LURAP1L: variants seen among roughly 807,000 people sequenced by gnomAD.
LURAP1L encodes the protein leucine rich adaptor protein 1 like.
LURAP1L carries 12 observed loss-of-function variants against 13.8 expected under a neutral mutation model. The observed-to-expected ratio is 0.87, with a 90% CI of 0.56 to 1.41. The LOEUF (loss-of-function observed/expected upper bound fraction) is 1.41. Ranked by LOEUF, LURAP1L falls within the 40% of genes most tolerant of loss-of-function variation. The pLI is 0.00. For synonymous variants in LURAP1L, 139 were observed against 119.2 expected (o/e 1.17, Z -1.08); for missense variants, 375 against 292.9 (o/e 1.28, Z -2.04).
intron 1 of LURAP1L, among the ~76,000 whole-genome samples, chr9:12,809,583 T>C (rs138541631): frequency 1.2e-3 from 181 of 152,348 alleles, no homozygotes; most frequent in Non-Finnish European, 6.6e-4. Flanking sequence ...TTTAAATTCC[T>C]TGTCTGATAG....
At chr9:12,780,030 C>T (rs888075932) in intron 1 of LURAP1L, among the ~76,000 whole-genome samples, 7 of 152,178 alleles carry the variant, frequency 4.6e-5, no homozygotes, top group Admixed American at 3.3e-4. Flanking sequence ...TCTCCTGACA[C>T]GACCAGTTCA....
At chr9:12,798,740 A>T (rs1279874994) in intron 1 of LURAP1L, among the ~76,000 whole-genome samples, 1 of 152,222 alleles carries the variant, frequency 6.6e-6, no homozygotes, top group Admixed American at 6.5e-5. Context: ...AATACAGGAC[A>T]ATAGGAATAG....
rs539952224 is a variant in LURAP1L at position 12,816,456 on chromosome 9, G to C, written c.313-4930G>C. 3.3e-5 allele frequency among the ~76,000 whole-genome samples: 5 copies of C among 152,274 alleles called. No individual in the cohort carries two copies. The East Asian group carries it at 9.6e-4, about 29-fold the overall frequency. ...AAATAGGAAGATAGTGGCAGTGGCA[G>C]ATTGGAGTCAGTACCATGTTCCTCA... On this transcript the variant is annotated intron_variant, in intron 1 of 1. Coordinates refer to ENST00000319264, the MANE Select transcript of LURAP1L (RefSeq NM_203403.2).
intron 1 of LURAP1L, among the ~76,000 whole-genome samples, chr9:12,819,163 A>G (rs542293886): frequency 1.3e-5 from 2 of 152,178 alleles, no homozygotes. Context: ...CCTTCTGTTC[A>G]TGAACGTCTC....
chr9:12,776,079 A>G (rs1425628976), intron 1 of LURAP1L, 52 bp downstream of exon 1: 1 of 1,551,360 alleles, frequency 6.4e-7, no homozygotes, highest in East Asian at 2.2e-5. Context: ...GGGCCAAAAG[A>G]TGGGGCGATC....
At position 12,775,585 on chromosome 9, in the gene LURAP1L, G is replaced by C; in HGVS notation, c.-131G>C. On this transcript the variant is annotated 5_prime_UTR_variant, in exon 1 of 2. Coordinates refer to ENST00000319264, the MANE Select transcript of LURAP1L (RefSeq NM_203403.2). ...CGCATAGGCGGTTATGGAAAGGACGGTACACCGGAGCGGCGGAGGATAGAG... is the reference window on the plus strand; with the variant it reads ...CGCATAGGCGGTTATGGAAAGGACGCTACACCGGAGCGGCGGAGGATAGAG... 1 of 1,407,992 alleles carries C rather than the reference G, an allele frequency of 7.1e-7. No individual in the cohort carries two copies. The allele number at this position is 1,407,992 out of a possible 1,614,324, so 87.2% of individuals were successfully genotyped here. A position where few individuals can be genotyped will look rare whatever the true frequency, so the allele number is the denominator to read the frequency against.
At chr9:12,796,473 A>G (rs368769405) in intron 1 of LURAP1L, among the ~76,000 whole-genome samples, 57 of 151,876 alleles carry the variant, frequency 3.8e-4, no homozygotes, top group African/African-American at 1.2e-3. Context: ...ATTTTTCTAA[A>G]CTTCATTTGT....
At chr9:12,778,883 G>C (rs1819228164) in intron 1 of LURAP1L, among the ~76,000 whole-genome samples, 1 of 152,212 alleles carries the variant, frequency 6.6e-6, no homozygotes, top group Admixed American at 6.5e-5. Context: ...TTATCCATGG[G>C]AGATATGTTC....
chr9:12,793,436 A>G (rs1819471064), intron 1 of LURAP1L, among the ~76,000 whole-genome samples: 1 of 152,068 alleles, frequency 6.6e-6, no homozygotes, highest in Non-Finnish European at 1.5e-5. Context: ...AGACCGATGC[A>G]TGTCCTGTCT....
intron 1 of LURAP1L, among the ~76,000 whole-genome samples, chr9:12,803,636 T>C (rs1378255483): frequency 2.6e-5 from 4 of 152,330 alleles, no homozygotes; most frequent in Middle Eastern, 3.4e-3. Context: ...GGTAAAATTG[T>C]CTACATTAAT....
chr9:12,821,876 G>A lies in LURAP1L; in HGVS notation c.*116G>A, dbSNP rs144471155. 20 of 1,304,032 alleles carry A rather than the reference G, an allele frequency of 1.5e-5. No homozygotes were observed. The East Asian group carries it at 4.2e-4, about 27-fold the overall frequency. The allele number at this position is 1,304,032 out of a possible 1,614,324, so 80.8% of individuals were successfully genotyped here. A position where few individuals can be genotyped will look rare whatever the true frequency, so the allele number is the denominator to read the frequency against. On this transcript the variant is annotated 3_prime_UTR_variant, in exon 2 of 2. Coordinates refer to ENST00000319264, the MANE Select transcript of LURAP1L (RefSeq NM_203403.2). ...TAAGATGACCTTTTTAAAAGAAGCTGATTTTGAAACTGCTTAATGGTATTG... is the reference window on the plus strand; with the variant it reads ...TAAGATGACCTTTTTAAAAGAAGCTAATTTTGAAACTGCTTAATGGTATTG...
chr9:12,813,573 G>A (rs571513798), intron 1 of LURAP1L, among the ~76,000 whole-genome samples: 45 of 152,246 alleles, frequency 3.0e-4, no homozygotes, highest in African/African-American at 9.9e-4. Context: ...CTAGACTTAA[G>A]TGATAGAGAA....
chr9:12,785,969 A>G (rs1434856244), intron 1 of LURAP1L, among the ~76,000 whole-genome samples: 1 of 151,976 alleles, frequency 6.6e-6, no homozygotes, highest in Non-Finnish European at 1.5e-5. Context: ...ATCTTTTTTC[A>G]TGTCTTTGCC....
rs760720545 is a variant in LURAP1L at position 12,775,802 on chromosome 9, T to C, written c.87T>C (p.Arg29=). ...KVPESLVRSL[R]GEEPVPRERD... is the part of the protein sequence containing the mutation. ...CCGAGAGTCTAGTGCGCTCTCTCCGTGGGGAGGAGCCGGTTCCCAGGGAAA... is the reference window on the plus strand; with the variant it reads ...CCGAGAGTCTAGTGCGCTCTCTCCGCGGGGAGGAGCCGGTTCCCAGGGAAA... The change falls in exon 1 of 2, where the codon CGT becomes CGC. Residue 29 remains arginine, a synonymous_variant. Coordinates refer to ENST00000319264, the MANE Select transcript of LURAP1L (RefSeq NM_203403.2). 3.1e-6 allele frequency: 5 copies of C among 1,609,100 alleles called. No individual in the cohort carries two copies. Among genetic ancestry groups the C allele is most frequent in the Non-Finnish European group, 4.2e-6 (5 of 1,178,502 alleles).
At chr9:12,795,079 G>A (rs1819495061) in intron 1 of LURAP1L, among the ~76,000 whole-genome samples, 1 of 151,730 alleles carries the variant, frequency 6.6e-6, no homozygotes, top group Non-Finnish European at 1.5e-5. Context: ...TGCTATGCTG[G>A]GGAAGCTGGT....
intron 1 of LURAP1L, among the ~76,000 whole-genome samples, chr9:12,820,054 C>G (rs1819852651): frequency 6.6e-6 from 1 of 152,174 alleles, no homozygotes. Flanking sequence ...CTCTTCTGTT[C>G]CAACAGAACA....
chr9:12,796,228 CGTAAT>C (rs1819510021), intron 1 of LURAP1L, among the ~76,000 whole-genome samples: 1 of 151,676 alleles, frequency 6.6e-6, no homozygotes, highest in Admixed American at 6.6e-5. Context: ...TCTGTTGAAA[CGTAAT>C]GTACACTCCT....
At chr9:12,790,778 A>G (rs1433503505) in intron 1 of LURAP1L, 1 of 151,786 alleles carries the variant, frequency 6.6e-6, no homozygotes, top group Non-Finnish European at 1.5e-5. Context: ...AAGTGCACAA[A>G]GAATATGTAC....
At chr9:12,820,043 T>C (rs921952877) in intron 1 of LURAP1L, among the ~76,000 whole-genome samples, 2 of 152,110 alleles carry the variant, frequency 1.3e-5, no homozygotes, top group African/African-American at 2.4e-5. Context: ...TCGAGCCATA[T>C]CTCTTCTGTT....
Sources: allele counts gnomAD v4.1 joint callset (sites outside exome capture counted in the v4.1 genomes callset), GRCh38; gene constraint gnomAD v4.1.1; transcripts MANE v1.5; gene names NCBI Gene and HGNC (gene_info 2026-07-23, HGNC 2026-07-21).